ANXA8: variants seen among roughly 807,000 people sequenced by gnomAD.
ANXA8 encodes the protein annexin A8.
A neutral mutation model predicts 26.8 loss-of-function variants in ANXA8; 9 were observed. The ratio of observed to expected loss-of-function variants is 0.34; its 90% CI spans 0.20 to 0.59. ANXA8 has a LOEUF of 0.59. Among genes scored for constraint, ANXA8 ranks in the 20% least tolerant of loss-of-function variants. ANXA8 has a pLI of 0.84. For missense variants in ANXA8, 83 were observed against 238.5 expected, an observed-to-expected ratio of 0.35 and a Z score of 4.29; for synonymous variants, 39 against 94.8, an observed-to-expected ratio of 0.41 and a Z score of 3.42.
At chr10:47,578,901 T>C in the ANXA8 span, among the ~76,000 whole-genome samples, 1 of 151,494 alleles carries the variant, frequency 6.6e-6, no homozygotes, top group African/African-American at 2.4e-5. Context: ...CAGGCTGGAG[T>C]GCAGTGTTTC....
At chr10:47,659,784 T>A in the ANXA8 span, among the ~76,000 whole-genome samples, 11 of 151,176 alleles carry the variant, frequency 7.3e-5, no homozygotes, top group Admixed American at 1.3e-4. Context: ...TGAGACAGGG[T>A]CTTACTCTGT....
the ANXA8 span, among the ~76,000 whole-genome samples, chr10:47,970,937 G>C: frequency 6.6e-6 from 1 of 151,378 alleles, no homozygotes; most frequent in Non-Finnish European, 1.5e-5. Flanking sequence ...ACTAATGGTG[G>C]AGTGACCCCC....
chr10:47,571,207 C>T, the ANXA8 span, among the ~76,000 whole-genome samples: 1 of 139,612 alleles, frequency 7.2e-6, no homozygotes, highest in Non-Finnish European at 1.5e-5. Flanking sequence ...ATATCTCCAG[C>T]TAAATTTTAT....
chr10:47,677,266 A>C, the ANXA8 span, among the ~76,000 whole-genome samples: 265 of 152,130 alleles, frequency 1.7e-3, 2 homozygotes, highest in African/African-American at 6.2e-3. Flanking sequence ...GACTGTAGTA[A>C]CTTCTGGATG....
the ANXA8 span, among the ~76,000 whole-genome samples, chr10:47,548,042 T>C: frequency 5.6e-5 from 8 of 143,436 alleles, no homozygotes; most frequent in Non-Finnish European, 1.1e-4. Flanking sequence ...ACAAGTTTAG[T>C]AATCTTTACA....
At chr10:47,559,241 T>G in the ANXA8 span, among the ~76,000 whole-genome samples, 1 of 144,848 alleles carries the variant, frequency 6.9e-6, no homozygotes, top group East Asian at 2.1e-4. Context: ...AACCACCGCC[T>G]TAGCCTCATG....
the ANXA8 span, among the ~76,000 whole-genome samples, chr10:47,767,809 A>G: frequency 2.0e-5 from 3 of 150,714 alleles, no homozygotes; most frequent in African/African-American, 7.4e-5. Context: ...GAGCAGAAGG[A>G]GCTAAGTCTG....
At chr10:47,684,133 C>CT in the ANXA8 span, among the ~76,000 whole-genome samples, 2 of 151,952 alleles carry the variant, frequency 1.3e-5, no homozygotes, top group African/African-American at 2.4e-5. Flanking sequence ...TGGAGATGTA[C>CT]TTGCAAGTTT....
At chr10:47,766,119 G>A in the ANXA8 span, among the ~76,000 whole-genome samples, 27 of 140,090 alleles carry the variant, frequency 1.9e-4, no homozygotes, top group African/African-American at 2.5e-4. Flanking sequence ...GCAGGGGGCC[G>A]TGTCTTATTC....
chr10:47,495,461 T>C, the ANXA8 span, among the ~76,000 whole-genome samples: 1 of 149,038 alleles, frequency 6.7e-6, no homozygotes, highest in Non-Finnish European at 1.5e-5. Context: ...AATTTTTGTA[T>C]TTTTGGTACA....
chr10:47,678,821 TC>T, the ANXA8 span, among the ~76,000 whole-genome samples: 1 of 148,692 alleles, frequency 6.7e-6, no homozygotes, highest in South Asian at 2.1e-4. Context: ...GGGGTGCAGA[TC>T]ATTTGAGATC....
At chr10:47,914,985 T>C in the ANXA8 span, among the ~76,000 whole-genome samples, 3 of 152,298 alleles carry the variant, frequency 2.0e-5, no homozygotes, top group Non-Finnish European at 4.4e-5. Flanking sequence ...TCTTTGGTTC[T>C]CTGTTATAAG....
At chr10:47,526,110 A>T in the ANXA8 span, among the ~76,000 whole-genome samples, 741 of 117,514 alleles carry the variant, frequency 6.3e-3, 83 homozygotes, top group Admixed American at 9.0e-3. Flanking sequence ...TTTACTTTTT[A>T]TTTTTTTTTT....
the ANXA8 span, among the ~76,000 whole-genome samples, chr10:47,735,029 A>C: frequency 6.7e-6 from 1 of 148,342 alleles, no homozygotes; most frequent in Non-Finnish European, 1.5e-5. Flanking sequence ...AAAAAAAAAA[A>C]AAAAATTATA....
At chr10:47,585,584 G>A in the ANXA8 span, among the ~76,000 whole-genome samples, 4,358 of 145,974 alleles carry the variant, frequency 0.03, 54 homozygotes, top group Middle Eastern at 0.062. Context: ...CTGCTGAGGG[G>A]CTGGGGGTGG....
the ANXA8 span, among the ~76,000 whole-genome samples, chr10:47,561,144 T>C: frequency 6.6e-6 from 1 of 152,018 alleles, no homozygotes; most frequent in Non-Finnish European, 1.5e-5. Flanking sequence ...TTTTATGATT[T>C]ATGAATACAA....
chr10:47,612,028 C>A, the ANXA8 span, among the ~76,000 whole-genome samples: 1 of 72,206 alleles, frequency 1.4e-5, no homozygotes, highest in African/African-American at 4.1e-5. Flanking sequence ...GATTAAGAAT[C>A]TGACATAAAT....
the ANXA8 span, among the ~76,000 whole-genome samples, chr10:47,681,515 T>A: frequency 6.8e-6 from 1 of 148,072 alleles, no homozygotes; most frequent in Non-Finnish European, 1.5e-5. Context: ...CAGTCCTTTT[T>A]ATTTTTACTT....
At chr10:47,975,813 T>C in the ANXA8 span, among the ~76,000 whole-genome samples, 3 of 140,260 alleles carry the variant, frequency 2.1e-5, no homozygotes, top group Admixed American at 2.2e-4. Flanking sequence ...CTGTTTTAAA[T>C]TGCAAGTGAT....
Sources: gnomAD v4.1 joint callset for allele counts (sites outside exome capture counted in the v4.1 genomes callset) on GRCh38, gnomAD v4.1.1 for gene constraint, MANE v1.5 for transcripts, NCBI Gene and HGNC (gene_info 2026-07-23, HGNC 2026-07-21) for gene names.